ADAM19: variants seen among roughly 807,000 people sequenced by gnomAD.
ADAM19 encodes the protein ADAM metallopeptidase domain 19, also known as disintegrin and metalloproteinase domain-containing protein 19.
A neutral mutation model predicts 114.7 loss-of-function variants in ADAM19; 65 were observed. That is an observed-to-expected ratio of 0.57 (90% confidence interval 0.46 to 0.70). The LOEUF is 0.70. ADAM19 is among the 30% of genes least tolerant of loss of function. The pLI, the probability that ADAM19 is intolerant of heterozygous loss-of-function variation, is 0.00. For missense variants in ADAM19, 1,063 were observed against 1,204.7 expected, an observed-to-expected ratio of 0.88 and a Z score of 1.74; for synonymous variants, 466 against 460.5, an observed-to-expected ratio of 1.01 and a Z score of -0.15.
At chr5:157,559,635 A>C (rs1413355209) in intron 3 of ADAM19, among the ~76,000 whole-genome samples, 1 of 152,156 alleles carries the variant, frequency 6.6e-6, no homozygotes, top group Non-Finnish European at 1.5e-5. Flanking sequence ...TCAGCAAACA[A>C]GTTTTTGTCA....
At chr5:157,502,745 G>T in intron 12 of ADAM19, 58 bp downstream of exon 12, 2 of 1,575,780 alleles carry the variant, frequency 1.3e-6, no homozygotes, top group Non-Finnish European at 1.7e-6. Flanking sequence ...CTTTGACCTT[G>T]AGTTTTGAAA....
At chr5:157,545,289 G>A (rs1050911989) in intron 3 of ADAM19, among the ~76,000 whole-genome samples, 3 of 151,998 alleles carry the variant, frequency 2.0e-5, no homozygotes, top group African/African-American at 7.3e-5. Context: ...GATAAACAGT[G>A]GCCCAACTTG....
intron 4 of ADAM19, 73 bp downstream of exon 4, chr5:157,537,840 C>A: frequency 1.5e-6 from 2 of 1,350,814 alleles, no homozygotes; most frequent in South Asian, 1.2e-5. Context: ...CTCCATCAGG[C>A]ATCTCCTGAG....
At chr5:157,494,621 C>T in intron 15 of ADAM19, 66 bp downstream of exon 15, 9 of 1,376,456 alleles carry the variant, frequency 6.5e-6, no homozygotes, top group East Asian at 2.4e-5. Context: ...AGTTGGGCAA[C>T]AGTGAGGACA....
intron 14 of ADAM19, among the ~76,000 whole-genome samples, chr5:157,495,933 CTTTTTTTTTTTTTT>C (rs57078206): frequency 1.3e-5 from 1 of 75,878 alleles, no homozygotes; most frequent in Non-Finnish European, 2.4e-5. Context: ...TGTGCCCAGT[CTTTTTTTTTTTTTT>C]TTTTTTTTTT....
At position 157,520,011 on chromosome 5, in the gene ADAM19, C is replaced by T; in HGVS notation, c.428G>A (p.Ser143Asn). Reference protein sequence around the residue: ...RGIRGLITVSSNLSYVIEPLP... With the variant: ...RGIRGLITVSNNLSYVIEPLP... ...GGGCTCGATGACGTAGCTGAGGTTG[C>T]TGCTCACCGTAATCAGTCCTCTGTT... Residue 143 changes from serine (S) to asparagine (N), a missense_variant, in exon 6 of 23, where the codon AGC becomes AAC. Around this residue, in one of 3 missense-constraint regions of ADAM19, gnomAD observed 615 missense variants for 706.3 expected, o/e 0.87. Coordinates refer to ENST00000257527, the MANE Select transcript of ADAM19 (RefSeq NM_033274.5). 6.2e-7 allele frequency: 1 copy of T among 1,613,962 alleles called. No homozygotes were observed. Among genetic ancestry groups the T allele is most frequent in the Non-Finnish European group, 8.5e-7 (1 of 1,179,906 alleles).
In ADAM19 at chr5:157,481,630, G is replaced by A. The variant is rs1461036527; in HGVS notation, c.2703+161C>T. Reference sequence around the variant, plus strand: ...CATGAAGCCAAAACTCCACAGTCAAGCGGGCACCAAGAAACATGAATGTTT... The same window carrying A: ...CATGAAGCCAAAACTCCACAGTCAAACGGGCACCAAGAAACATGAATGTTT... On this transcript the variant is annotated intron_variant, in intron 22 of 22. Transcript: ENST00000257527. The A allele has an allele frequency of 4.5e-6, 7 of 1,549,998 alleles. No homozygotes were observed. The South Asian group carries it at 8.3e-5, about 18-fold the overall frequency.
chr5:157,543,106 A>G (rs1187923541), intron 3 of ADAM19, among the ~76,000 whole-genome samples: 3 of 152,186 alleles, frequency 2.0e-5, no homozygotes, highest in Non-Finnish European at 2.9e-5. Flanking sequence ...TTATCTCAGC[A>G]TTCCTTTTTT....
Position 157,493,047 on chromosome 5 carries a change from G to T in ADAM19, c.1834C>A (p.Arg612=), listed in dbSNP as rs770719684. The T allele has an allele frequency of 6.2e-7, 1 of 1,614,228 alleles. No homozygotes were observed. Among genetic ancestry groups the T allele is most frequent in the South Asian group, 1.1e-5 (1 of 91,088 alleles). Residue 612 remains arginine, a synonymous_variant, in exon 16 of 23, where the codon CGA becomes AGA. Coordinates refer to ENST00000257527, the MANE Select transcript of ADAM19 (RefSeq NM_033274.5). ...QIQCRGTHVY[R]GPEEEGDMLD... ...ATGTCACCCTCCTCCTCAGGACCTC[G>T]GTAGACGTGGGTGCCCCGGCACTGG...
intron 5 of ADAM19, among the ~76,000 whole-genome samples, chr5:157,528,625 TCA>T (rs1196908615): frequency 1.3e-5 from 2 of 152,166 alleles, no homozygotes; most frequent in African/African-American, 4.8e-5. Flanking sequence ...TCCAGCCAAC[TCA>T]CCATGCAGCA....
chr5:157,520,287 A>G (rs925402047), intron 5 of ADAM19, among the ~76,000 whole-genome samples: 3 of 36,354 alleles, frequency 8.3e-5, no homozygotes, highest in Admixed American at 2.9e-4. Context: ...CCCCCACCCC[A>G]CCCAACCACC....
At chr5:157,549,827 A>G (rs1482167593) in intron 3 of ADAM19, among the ~76,000 whole-genome samples, 3 of 152,228 alleles carry the variant, frequency 2.0e-5, no homozygotes, top group Non-Finnish European at 4.4e-5. Context: ...TGTAGAATGG[A>G]GAAAAATTAG....
chr5:157,477,449 G>A lies in ADAM19; in HGVS notation c.*3500C>T, dbSNP rs1045712378. The A allele has an allele frequency of 1.4e-5, 14 of 1,030,678 alleles. No homozygotes were observed. Among genetic ancestry groups the A allele is most frequent in the Middle Eastern group, 4.8e-4 (1 of 2,090 alleles). The allele number at this position is 1,030,678 out of a possible 1,614,324, so 63.8% of individuals were successfully genotyped here. A position where few individuals can be genotyped will look rare whatever the true frequency, so the allele number is the denominator to read the frequency against. On this transcript the variant is annotated 3_prime_UTR_variant, in exon 23 of 23. Transcript: ENST00000257527. ...CAAGAGAGAAGAAGATCTGTTTTCC[G>A]TGAACAATCTCCCAAATAAAAAGAA...
At chr5:157,543,674 TATA>T (rs1469605960) in intron 3 of ADAM19, among the ~76,000 whole-genome samples, 1 of 152,122 alleles carries the variant, frequency 6.6e-6, no homozygotes, top group African/African-American at 2.4e-5. Context: ...ATCTGAGGTT[TATA>T]ATACTAGTCT....
intron 11 of ADAM19, among the ~76,000 whole-genome samples, chr5:157,503,651 TG>T (rs1755641130): frequency 6.6e-6 from 1 of 152,206 alleles, no homozygotes; most frequent in Non-Finnish European, 1.5e-5. Context: ...GTTGTGAGTG[TG>T]TTACAAGAGG....
At chr5:157,492,895 G>T in intron 16 of ADAM19, 78 bp downstream of exon 16, 1 of 1,508,760 alleles carries the variant, frequency 6.6e-7, no homozygotes, top group Non-Finnish European at 9.2e-7. Flanking sequence ...CTGAGCCCAG[G>T]CATCCTTCCC....
chr5:157,568,372 T>C (rs1757727274), intron 2 of ADAM19: 1 of 152,190 alleles, frequency 6.6e-6, no homozygotes, highest in Non-Finnish European at 1.5e-5. Context: ...GATGTTCCCT[T>C]TTTCTATGGG....
chr5:157,481,195 C>G (rs1016841750), intron 22 of ADAM19, 193 bp from the exon 23 acceptor site: 1 of 706,922 alleles, frequency 1.4e-6, no homozygotes, highest in Non-Finnish European at 2.3e-6. Flanking sequence ...GGTAGGTGCC[C>G]CTATCTCAAG....
chr5:157,547,051 A>C (rs1757069224), intron 3 of ADAM19, among the ~76,000 whole-genome samples: 1 of 152,178 alleles, frequency 6.6e-6, no homozygotes, highest in Non-Finnish European at 1.5e-5. Flanking sequence ...AAACCAGGGG[A>C]GGCACAGATT....
Sources: allele counts gnomAD v4.1 joint callset (sites outside exome capture counted in the v4.1 genomes callset), GRCh38; gene constraint gnomAD v4.1.1; regional missense constraint gnomAD v4.1.1; transcripts MANE v1.5; gene names NCBI Gene and HGNC (gene_info 2026-07-23, HGNC 2026-07-21).